Variants in MAGI2 observed in about 807,000 individuals in gnomAD.
MAGI2 encodes the protein membrane associated guanylate kinase, WW and PDZ domain containing 2, also known as membrane-associated guanylate kinase, WW and PDZ domain-containing protein 2.
A neutral mutation model predicts 133.3 loss-of-function variants in MAGI2; 35 were observed. The ratio of observed to expected loss-of-function variants is 0.26; its 90% CI spans 0.20 to 0.35. The LOEUF is 0.35. Among genes scored for constraint, MAGI2 ranks in the 10% least tolerant of loss-of-function variants. MAGI2 has a pLI of 1.00. For synonymous variants in MAGI2, 729 were observed against 710.6 expected (o/e 1.03, Z -0.41); for missense variants, 1,636 against 1,863.4 (o/e 0.88, Z 2.25).
intron 2 of MAGI2, among the ~76,000 whole-genome samples, chr7:78,753,770 GATAA>G: frequency 6.7e-6 from 1 of 149,656 alleles, no homozygotes; most frequent in African/African-American, 2.4e-5. Flanking sequence ...TTTTGAAAAC[GATAA>G]ATAAGAGAAA....
At chr7:79,075,209 A>C (rs750846585) in intron 1 of MAGI2, among the ~76,000 whole-genome samples, 10 of 152,182 alleles carry the variant, frequency 6.6e-5, no homozygotes, top group African/African-American at 9.7e-5. Context: ...CTTATTGACC[A>C]GAGCTGGATC....
At chr7:79,292,888 G>A (rs990084075) in intron 1 of MAGI2, among the ~76,000 whole-genome samples, 1 of 150,362 alleles carries the variant, frequency 6.7e-6, no homozygotes, top group Admixed American at 6.7e-5. Flanking sequence ...TAAGTCTTCG[G>A]CTTCCTCTGT....
intron 1 of MAGI2, among the ~76,000 whole-genome samples, chr7:79,368,307 G>C (rs73707013): frequency 0.021 from 3,228 of 152,118 alleles, 100 homozygotes; most frequent in African/African-American, 0.075. Context: ...ACTTTCCCTA[G>C]ACAGAAACTG....
At chr7:79,257,534 T>G (rs745858542) in intron 1 of MAGI2, among the ~76,000 whole-genome samples, 1 of 152,348 alleles carries the variant, frequency 6.6e-6, no homozygotes, top group Non-Finnish European at 1.5e-5. Context: ...AATGGCTCTT[T>G]GTCAACCTTA....
At chr7:78,412,056 G>T (rs7781917) in intron 6 of MAGI2, among the ~76,000 whole-genome samples, 2,489 of 151,996 alleles carry the variant, frequency 0.016, 66 homozygotes, top group African/African-American at 0.057. Context: ...CAACTTTAAG[G>T]CATTGTAAGA....
intron 2 of MAGI2, among the ~76,000 whole-genome samples, chr7:78,738,286 T>A (rs1822065481): frequency 6.6e-6 from 1 of 152,186 alleles, no homozygotes; most frequent in African/African-American, 2.4e-5. Context: ...ATCTGTTCAA[T>A]TAAATTAAGA....
intron 7 of MAGI2, among the ~76,000 whole-genome samples, chr7:78,355,679 T>G (rs1408839248): frequency 6.6e-6 from 1 of 152,212 alleles, no homozygotes; most frequent in Admixed American, 6.5e-5. Context: ...TTAGCTTTTA[T>G]GGTGAAATTA....
chr7:79,122,515 T>C (rs1273604563), intron 1 of MAGI2, among the ~76,000 whole-genome samples: 4 of 152,220 alleles, frequency 2.6e-5, no homozygotes, highest in Non-Finnish European at 4.4e-5. Context: ...AGTTGATACA[T>C]AGAGTTTATC....
At chr7:79,313,275 T>C (rs991756542) in intron 1 of MAGI2, among the ~76,000 whole-genome samples, 17 of 152,114 alleles carry the variant, frequency 1.1e-4, no homozygotes, top group African/African-American at 4.1e-4. Context: ...TCAACTCCAG[T>C]TATAATTAGA....
intron 1 of MAGI2, among the ~76,000 whole-genome samples, chr7:79,361,956 G>T (rs1341644277): frequency 6.6e-6 from 1 of 151,954 alleles, no homozygotes; most frequent in South Asian, 2.1e-4. Flanking sequence ...GCATCAAATA[G>T]TTACAGTTTA....
chr7:79,219,331 G>T (rs1157506625), intron 1 of MAGI2, among the ~76,000 whole-genome samples: 1 of 151,854 alleles, frequency 6.6e-6, no homozygotes, highest in Non-Finnish European at 1.5e-5. Context: ...ATGGTAAAAG[G>T]AATATAAAAC....
At chr7:78,093,082 G>A (rs1257627354) in intron 20 of MAGI2, among the ~76,000 whole-genome samples, 1 of 128,814 alleles carries the variant, frequency 7.8e-6, no homozygotes, top group African/African-American at 3.1e-5. Flanking sequence ...CTTGCAGTGA[G>A]CCCAGATTGA....
chr7:78,232,659 A>G (rs1790105857), intron 10 of MAGI2, among the ~76,000 whole-genome samples: 1 of 152,180 alleles, frequency 6.6e-6, no homozygotes, highest in African/African-American at 2.4e-5. Flanking sequence ...GGTAACCCCA[A>G]TGTTATGACT....
chr7:78,634,114 T>A (rs540717042), intron 2 of MAGI2, among the ~76,000 whole-genome samples: 1 of 152,318 alleles, frequency 6.6e-6, no homozygotes, highest in South Asian at 2.1e-4. Flanking sequence ...AGAAACAAAT[T>A]GTCTTTTTTA....
chr7:79,357,880 A>G (rs1842129239), intron 1 of MAGI2, among the ~76,000 whole-genome samples: 2 of 152,218 alleles, frequency 1.3e-5, no homozygotes, highest in South Asian at 4.1e-4. Context: ...AAGTATGAGC[A>G]TGTGCATGAA....
chr7:78,228,450 G>C (rs1026519134), intron 10 of MAGI2, among the ~76,000 whole-genome samples: 1 of 152,192 alleles, frequency 6.6e-6, no homozygotes, highest in African/African-American at 2.4e-5. Flanking sequence ...TTTTGAGTTA[G>C]TATTTGGGAA....
chr7:79,068,213 G>A (rs749946591), intron 1 of MAGI2, among the ~76,000 whole-genome samples: 5 of 152,090 alleles, frequency 3.3e-5, no homozygotes, highest in Non-Finnish European at 4.4e-5. Context: ...GGTAGAATTC[G>A]GCTGTGAATC....
chr7:79,350,206 G>T (rs1356899822), intron 1 of MAGI2, among the ~76,000 whole-genome samples: 1 of 152,104 alleles, frequency 6.6e-6, no homozygotes, highest in African/African-American at 2.4e-5. Context: ...TTCCTTTAGG[G>T]TGTACCCAGT....
intron 1 of MAGI2, among the ~76,000 whole-genome samples, chr7:79,053,268 C>T (rs760740577): frequency 6.6e-6 from 1 of 152,110 alleles, no homozygotes; most frequent in Non-Finnish European, 1.5e-5. Context: ...CCACCCCACC[C>T]GGCTGCTATT....
Sources: gnomAD v4.1 joint callset for allele counts (sites outside exome capture counted in the v4.1 genomes callset) on GRCh38, gnomAD v4.1.1 for gene constraint, MANE v1.5 for transcripts, NCBI Gene and HGNC (gene_info 2026-07-23, HGNC 2026-07-21) for gene names.